ILDR1: variants seen among roughly 807,000 people sequenced by gnomAD.
ILDR1 encodes the protein immunoglobulin-like domain-containing receptor 1.
In ILDR1, 56 loss-of-function variants were observed where a neutral mutation model predicts 62.4. The ratio of observed to expected loss-of-function variants is 0.90; its 90% CI spans 0.72 to 1.12. ILDR1 has a LOEUF of 1.12. ILDR1 is among the 50% of genes most tolerant of loss of function. ILDR1 has a pLI of 0.00. For synonymous variants in ILDR1, 284 were observed against 277.8 expected (o/e 1.02, Z -0.22); for missense variants, 736 against 710.6 (o/e 1.04, Z -0.41).
chr3:122,045,436 A>G, the ILDR1 span, among the ~76,000 whole-genome samples: 3 of 152,210 alleles, frequency 2.0e-5, no homozygotes, highest in African/African-American at 2.4e-5. Flanking sequence ...TATTAGGTCC[A>G]CTTGGTGCAG....
At position 121,988,352 on chromosome 3, in the gene ILDR1, T is replaced by C. The variant is rs150481354; in HGVS notation, c.*15A>G. 2 of 1,611,300 alleles carry C rather than the reference T, an allele frequency of 1.2e-6. No individual in the cohort carries two copies. The highest frequency in any genetic ancestry group is 1.7e-6 in the Non-Finnish European group (2 of 1,177,566). ...AGCCGAGAAGTAGCCACAGAAGTTG[T>C]GCTGTGCTTGGTGACTAAATGACCA... On this transcript the variant is annotated 3_prime_UTR_variant, in exon 8 of 8. Transcript: ENST00000344209.
intron 2 of ILDR1, among the ~76,000 whole-genome samples, chr3:122,006,087 A>G (rs1036827022): frequency 6.6e-6 from 1 of 152,150 alleles, no homozygotes; most frequent in Non-Finnish European, 1.5e-5. Flanking sequence ...TTTAGAGAGG[A>G]GTCTTTTGGG....
chr3:122,046,584 A>G, the ILDR1 span, among the ~76,000 whole-genome samples: 1 of 150,116 alleles, frequency 6.7e-6, no homozygotes. Flanking sequence ...GTCTTTTCAC[A>G]TAGTCCCATA....
Position 122,007,304 on chromosome 3 carries a change from C to T in ILDR1, c.59-143G>A, listed in dbSNP as rs747620362. On this transcript the variant is annotated intron_variant, in intron 1 of 7. Coordinates refer to ENST00000344209, the MANE Select transcript of ILDR1 (RefSeq NM_001199799.2). ...CACAGACAGAGTCTGGGTTCTTACTCACCTGGGCAGGCTATGGGTGGGGTG... is the reference window on the plus strand; with the variant it reads ...CACAGACAGAGTCTGGGTTCTTACTTACCTGGGCAGGCTATGGGTGGGGTG... The T allele has an allele frequency of 6.5e-6, 10 of 1,544,060 alleles. No homozygotes were observed. The African/African-American group carries it at 1.1e-4, about 17-fold the overall frequency.
chr3:122,013,276 G>T (rs2071730150), intron 1 of ILDR1, among the ~76,000 whole-genome samples: 1 of 152,142 alleles, frequency 6.6e-6, no homozygotes, highest in South Asian at 2.1e-4. Context: ...TAGGAATACA[G>T]GTATATATTT....
chr3:122,008,402 G>A (rs985032596), intron 1 of ILDR1, among the ~76,000 whole-genome samples: 1 of 152,062 alleles, frequency 6.6e-6, no homozygotes, highest in Non-Finnish European at 1.5e-5. Context: ...TCTAGGCCAA[G>A]TTGTGAAGGG....
chr3:122,016,920 T>C (rs2071784236), intron 1 of ILDR1, among the ~76,000 whole-genome samples: 1 of 152,226 alleles, frequency 6.6e-6, no homozygotes, highest in Non-Finnish European at 1.5e-5. Flanking sequence ...ACTCAGTGAT[T>C]ACCTGGTTAT....
the ILDR1 span, chr3:122,055,359 TA>T: frequency 4.8e-6 from 4 of 838,138 alleles, no homozygotes; most frequent in Non-Finnish European, 8.2e-6. Context: ...TGGGTAGGTA[TA>T]CAGTCATTGC....
chr3:122,052,105 A>C, the ILDR1 span, among the ~76,000 whole-genome samples: 3 of 152,118 alleles, frequency 2.0e-5, no homozygotes, highest in Non-Finnish European at 4.4e-5. Context: ...GCCCTTTGAA[A>C]AGCCAGAATT....
intron 3 of ILDR1, among the ~76,000 whole-genome samples, chr3:122,002,675 C>G (rs2071546090): frequency 6.6e-6 from 1 of 151,794 alleles, no homozygotes; most frequent in African/African-American, 2.4e-5. Flanking sequence ...CACAGGTAAA[C>G]ATGTGCCATG....
chr3:122,001,479 G>T (rs1477848744), intron 4 of ILDR1, 25 bp from the exon 5 acceptor site: 1 of 1,613,530 alleles, frequency 6.2e-7, no homozygotes, highest in Non-Finnish European at 8.5e-7. Flanking sequence ...CCAAGCAGGG[G>T]TTGAACTAAA....
chr3:122,001,528 A>G, intron 4 of ILDR1, 74 bp from the exon 5 acceptor site: 6 of 1,561,538 alleles, frequency 3.8e-6, no homozygotes, highest in Non-Finnish European at 4.4e-6. Context: ...CTGATATCCT[A>G]GAGGTCTCAT....
the ILDR1 span, among the ~76,000 whole-genome samples, chr3:122,050,043 C>T: frequency 3.3e-5 from 5 of 152,156 alleles, no homozygotes; most frequent in African/African-American, 7.2e-5. Flanking sequence ...CACAAACAGA[C>T]GAAGATAAAG....
At chr3:121,995,225 G>GCT (rs1359150712) in intron 5 of ILDR1, among the ~76,000 whole-genome samples, 1 of 152,142 alleles carries the variant, frequency 6.6e-6, no homozygotes, top group African/African-American at 2.4e-5. Context: ...TTTCCTAAGG[G>GCT]CTCTGCCTAT....
At chr3:122,048,808 T>C in the ILDR1 span, among the ~76,000 whole-genome samples, 1 of 151,354 alleles carries the variant, frequency 6.6e-6, no homozygotes, top group Non-Finnish European at 1.5e-5. Context: ...GAGTCTTCTC[T>C]TTTTTTTTAT....
chr3:121,993,354 G>GTGCC lies in ILDR1; in HGVS notation c.1391_1394dup (p.His465GlnfsTer19). 6.2e-7 allele frequency: 1 copy of GTGCC among 1,609,972 alleles called. No individual in the cohort carries two copies. Among genetic ancestry groups the GTGCC allele is most frequent in the Non-Finnish European group, 8.5e-7 (1 of 1,176,858 alleles). ...AGGGCAAGGGAGGAGAGTAGCTGCG[G>GTGCC]TGCCTGCGTCGTCTCCCGTGCCTCT... On this transcript the variant is annotated frameshift_variant, in exon 7 of 8. Coordinates refer to ENST00000344209, the MANE Select transcript of ILDR1 (RefSeq NM_001199799.2). LOFTEE classifies it high-confidence loss of function.
the ILDR1 span, among the ~76,000 whole-genome samples, chr3:122,035,444 C>CA: frequency 2.6e-5 from 4 of 151,430 alleles, no homozygotes; most frequent in East Asian, 3.9e-4. Context: ...GCCTTTTCCC[C>CA]AAAAAAAAGA....
intron 6 of ILDR1, 26 bp from the exon 7 acceptor site, chr3:121,993,996 T>A (rs374999991): frequency 6.3e-7 from 1 of 1,597,850 alleles, no homozygotes; most frequent in Non-Finnish European, 8.5e-7. Flanking sequence ...GACAGGACAA[T>A]AGAACAAATG....
the ILDR1 span, among the ~76,000 whole-genome samples, chr3:122,058,604 G>C: frequency 6.6e-6 from 1 of 152,110 alleles, no homozygotes; most frequent in Non-Finnish European, 1.5e-5. Flanking sequence ...GTATAGCTTT[G>C]AGAAGATGCC....
Sources: allele counts gnomAD v4.1 joint callset (sites outside exome capture counted in the v4.1 genomes callset), GRCh38; gene constraint gnomAD v4.1.1; transcripts MANE v1.5; gene names NCBI Gene and HGNC (gene_info 2026-07-23, HGNC 2026-07-21).